FBXO42: variants seen among roughly 807,000 people sequenced by gnomAD.
FBXO42 encodes the protein F-box protein 42.
A neutral mutation model predicts 71.7 loss-of-function variants in FBXO42; 12 were observed. The ratio of observed to expected loss-of-function variants is 0.17; its 90% CI spans 0.11 to 0.27. The LOEUF (loss-of-function observed/expected upper bound fraction) is 0.27, where lower values mean the gene tolerates loss of function less well. FBXO42 is among the 10% of genes least tolerant of loss of function. The probability of loss-of-function intolerance (pLI) is 1.00; values close to 1 mark genes in which losing one functional copy is unlikely to be tolerated. For synonymous variants in FBXO42, 325 were observed against 327.5 expected (o/e 0.99, Z 0.08); for missense variants, 707 against 911.9 (o/e 0.78, Z 2.89).
In FBXO42 at chr1:16,253,228, A is replaced by G. The variant is rs1156899815; in HGVS notation, c.865-76T>C. The G allele has an allele frequency of 1.2e-5, 16 of 1,298,474 alleles. No individual in the cohort carries two copies. In the Admixed American group the frequency reaches 3.3e-4, roughly 27 times the overall value. The allele number at this position is 1,298,474 out of a possible 1,614,324, so 80.4% of individuals were successfully genotyped here. ...ACTTTCTATGCTTCACTGGTATATG[A>G]GAATAGCCTACCTAGCTCCCAAATG... On this transcript the variant is annotated intron_variant, in intron 7 of 9. Coordinates refer to ENST00000375592, the MANE Select transcript of FBXO42 (RefSeq NM_018994.3).
intron 5 of FBXO42, among the ~76,000 whole-genome samples, chr1:16,256,393 A>G (rs2081645162): frequency 6.6e-6 from 1 of 152,184 alleles, no homozygotes; most frequent in African/African-American, 2.4e-5. Context: ...TCTCTTTAGA[A>G]TAAGGATTCT....
At chr1:16,265,195 C>T (rs1043696782) in intron 4 of FBXO42, among the ~76,000 whole-genome samples, 6 of 152,136 alleles carry the variant, frequency 3.9e-5, no homozygotes, top group South Asian at 2.1e-4. Flanking sequence ...CCAGTTTCAA[C>T]GGATTCTCCT....
chr1:16,326,862 A>G (rs1208915644), intron 1 of FBXO42, among the ~76,000 whole-genome samples: 1 of 152,148 alleles, frequency 6.6e-6, no homozygotes, highest in Non-Finnish European at 1.5e-5. Context: ...AATGTCATCT[A>G]AGTAATGGCT....
chr1:16,313,797 G>A (rs767702726), intron 2 of FBXO42, among the ~76,000 whole-genome samples: 2 of 152,078 alleles, frequency 1.3e-5, no homozygotes, highest in Non-Finnish European at 2.9e-5. Flanking sequence ...GACAACCCTC[G>A]CTTGATAAAA....
intron 4 of FBXO42, among the ~76,000 whole-genome samples, chr1:16,263,480 G>A (rs1478186491): frequency 2.7e-5 from 4 of 150,826 alleles, no homozygotes; most frequent in East Asian, 2.0e-4. Flanking sequence ...AAAAGCACAC[G>A]GCCGGCCAGG....
chr1:16,336,879 G>A (rs534747618), intron 1 of FBXO42, among the ~76,000 whole-genome samples: 2 of 152,198 alleles, frequency 1.3e-5, no homozygotes, highest in Non-Finnish European at 1.5e-5. Context: ...TAGCTACTTG[G>A]GAGGCTGAGG....
Position 16,352,438 on chromosome 1 carries a change from C to A in FBXO42, c.-201G>T, listed in dbSNP as rs2082712149. On this transcript the variant is annotated 5_prime_UTR_variant, in exon 1 of 10. Coordinates refer to ENST00000375592, the MANE Select transcript of FBXO42 (RefSeq NM_018994.3). ...ATCTTCCTCCACTCAAACGCCGCCG[C>A]CGCCGCAGCTGCTGCTGCTCAGGCC... 1 of 398,768 alleles carries A rather than the reference C, an allele frequency of 2.5e-6. No homozygotes were observed. The highest frequency in any genetic ancestry group is 4.4e-5 in the Admixed American group (1 of 22,596). 24.7% of individuals were successfully genotyped at this position (398,768 alleles called of 1,614,324 possible). A position where few individuals can be genotyped will look rare whatever the true frequency, so the allele number is the denominator to read the frequency against.
At chr1:16,300,216 T>C (rs757527281) in intron 3 of FBXO42, among the ~76,000 whole-genome samples, 4 of 152,190 alleles carry the variant, frequency 2.6e-5, no homozygotes, top group Non-Finnish European at 5.9e-5. Context: ...CAGTACAGTA[T>C]GAATACTGGG....
chr1:16,320,924 A>G (rs2082405433), intron 1 of FBXO42, among the ~76,000 whole-genome samples: 1 of 152,134 alleles, frequency 6.6e-6, no homozygotes. Context: ...ATTTAAATTA[A>G]ATAGTTGCTC....
At chr1:16,340,777 A>C (rs2082597295) in intron 1 of FBXO42, among the ~76,000 whole-genome samples, 1 of 152,230 alleles carries the variant, frequency 6.6e-6, no homozygotes, top group South Asian at 2.1e-4. Context: ...AAAATACAAA[A>C]TAGTATAAGC....
chr1:16,316,030 C>A (rs944320296), intron 1 of FBXO42, among the ~76,000 whole-genome samples: 3 of 151,860 alleles, frequency 2.0e-5, no homozygotes, highest in Non-Finnish European at 4.4e-5. Context: ...ATTAGCTGGG[C>A]ATGGTGGCAC....
chr1:16,326,038 G>GTGTGTGTGTGTGTC (rs1441951943), intron 1 of FBXO42, among the ~76,000 whole-genome samples: 4 of 146,900 alleles, frequency 2.7e-5, no homozygotes, highest in Non-Finnish European at 4.6e-5. Context: ...GTGTGTGTGT[G>GTGTGTGTGTGTGTC]TGTGTGTGTG....
chr1:16,276,924 T>G (rs1030866170), intron 4 of FBXO42, among the ~76,000 whole-genome samples: 2 of 152,218 alleles, frequency 1.3e-5, no homozygotes, highest in African/African-American at 4.8e-5. Flanking sequence ...AGGTTTTATT[T>G]TAGATGGTTT....
chr1:16,289,689 AAAAC>A (rs1391270038), intron 4 of FBXO42, among the ~76,000 whole-genome samples: 6 of 152,274 alleles, frequency 3.9e-5, no homozygotes, highest in East Asian at 3.9e-4. Flanking sequence ...AACAACAACA[AAAAC>A]AAACAAACAA....
At chr1:16,274,135 C>A (rs1413555407) in intron 4 of FBXO42, among the ~76,000 whole-genome samples, 9 of 151,732 alleles carry the variant, frequency 5.9e-5, no homozygotes, top group Admixed American at 6.6e-5. Flanking sequence ...CATAGCAGTA[C>A]CCCATCTCTA....
At chr1:16,338,804 C>CTTTTT (rs71574177) in intron 1 of FBXO42, among the ~76,000 whole-genome samples, 3,726 of 80,936 alleles carry the variant, frequency 0.046, 239 homozygotes, top group Non-Finnish European at 0.068. Context: ...TTCCATTTGT[C>CTTTTT]TTTTTTTTTT....
chr1:16,283,744 C>T (rs1296140759), intron 4 of FBXO42, among the ~76,000 whole-genome samples: 1 of 152,062 alleles, frequency 6.6e-6, no homozygotes, highest in Non-Finnish European at 1.5e-5. Context: ...ATCCACCTGC[C>T]TTGGCCTCCC....
At chr1:16,346,100 C>T (rs931294244) in intron 1 of FBXO42, among the ~76,000 whole-genome samples, 1 of 152,060 alleles carries the variant, frequency 6.6e-6, no homozygotes, top group Non-Finnish European at 1.5e-5. Context: ...AATCCATGTA[C>T]AATATAGTGA....
At position 16,256,671 on chromosome 1, in the gene FBXO42, A is replaced by T. The variant is rs1394017957; in HGVS notation, c.591T>A (p.Pro197=). Residue 197 remains proline (P), a synonymous_variant, in exon 5 of 10, where the codon CCT becomes CCA. Coordinates refer to ENST00000375592, the MANE Select transcript of FBXO42 (RefSeq NM_018994.3). ...ATCTCTCTGGCTGGTGTAGGGGATA[A>T]GGGCTTGGCCGCGTCCAGCCACCAA... ...VLFGGWTRPS[P]YPLHQPERFF... is the part of the protein sequence containing the mutation. The T allele has an allele frequency of 6.2e-7, 1 of 1,614,194 alleles. No individual in the cohort carries two copies. The highest frequency in any genetic ancestry group is 2.2e-5 in the East Asian group (1 of 44,888).
Sources: gnomAD v4.1 joint callset for allele counts (sites outside exome capture counted in the v4.1 genomes callset) on GRCh38, gnomAD v4.1.1 for gene constraint, MANE v1.5 for transcripts, NCBI Gene and HGNC (gene_info 2026-07-23, HGNC 2026-07-21) for gene names.